RYR2: variants seen among roughly 807,000 people sequenced by gnomAD.
The protein encoded by RYR2 is ryanodine receptor 2, also known as cardiac muscle ryanodine receptor-calcium release channel.
Under a neutral mutation model 601.1 loss-of-function variants are expected in RYR2, and 227 were observed. That is an observed-to-expected ratio of 0.38 (90% CI 0.34 to 0.42). The LOEUF (loss-of-function observed/expected upper bound fraction) is 0.42, where lower values mean the gene tolerates loss of function less well. Among genes scored for constraint, RYR2 ranks in the 10% least tolerant of loss-of-function variants. The pLI, the probability that RYR2 is intolerant of heterozygous loss-of-function variation, is 1.00. For missense variants in RYR2, 4,646 were observed against 6,156.5 expected, an observed-to-expected ratio of 0.75 and a Z score of 8.21; for synonymous variants, 2,223 against 2,175.1, an observed-to-expected ratio of 1.02 and a Z score of -0.61.
chr1:237,725,034 A>G (rs938594618), intron 74 of RYR2, among the ~76,000 whole-genome samples: 2 of 152,148 alleles, frequency 1.3e-5, no homozygotes, highest in African/African-American at 4.8e-5. Flanking sequence ...GCAGACCTGG[A>G]GGACTGAGTG....
chr1:237,552,401 A>C (rs1670489591), intron 27 of RYR2, among the ~76,000 whole-genome samples: 2 of 152,202 alleles, frequency 1.3e-5, no homozygotes, highest in Admixed American at 1.3e-4. Context: ...TTTTAAATTG[A>C]ATAGAAATTT....
chr1:237,385,321 A>G (rs181239401), intron 8 of RYR2, among the ~76,000 whole-genome samples: 2 of 152,364 alleles, frequency 1.3e-5, no homozygotes, highest in African/African-American at 4.8e-5. Flanking sequence ...GTACCTCAGT[A>G]TATAAAAAGT....
At chr1:237,683,034 A>G (rs1040549145) in intron 62 of RYR2, among the ~76,000 whole-genome samples, 6 of 152,214 alleles carry the variant, frequency 3.9e-5, no homozygotes, top group African/African-American at 1.4e-4. Context: ...GAAAATGATC[A>G]TGATAAAATA....
chr1:237,829,622 C>G (rs1418461955), intron 102 of RYR2, among the ~76,000 whole-genome samples: 1 of 152,128 alleles, frequency 6.6e-6, no homozygotes, highest in Non-Finnish European at 1.5e-5. Context: ...GATTGTTCTC[C>G]CCAGTTGCTC....
In RYR2 at chr1:237,546,997, T is replaced by TATATATATATATATATATA. The variant is rs58050661; in HGVS notation, c.2907-1434_2907-1433insATATATATATATATATATA. Among the ~76,000 whole-genome samples the TATATATATATATATATATA allele has an allele frequency of 5.6e-3, 464 of 82,716 alleles. 4 individuals are homozygous for TATATATATATATATATATA. Among genetic ancestry groups the TATATATATATATATATATA allele is most frequent in the Non-Finnish European group, 8.5e-3 (301 of 35,288 alleles). 54.3% of individuals were successfully genotyped at this position (82,716 alleles called of 152,430 possible). A position where few individuals can be genotyped will look rare whatever the true frequency, so the allele number is the denominator to read the frequency against. Reference sequence around the variant, plus strand: ...AAAGCATATATATATATATATATATTTATTTATTTATTTATTTATTTATTT... The same window carrying TATATATATATATATATATA: ...AAAGCATATATATATATATATATATTATATATATATATATATATATATTTATTTATTTATTTATTTATTT... On this transcript the variant is annotated intron_variant, in intron 25 of 104. Coordinates refer to ENST00000366574, the MANE Select transcript of RYR2 (RefSeq NM_001035.3).
At chr1:237,340,026 A>G (rs1434156452) in intron 3 of RYR2, among the ~76,000 whole-genome samples, 1 of 152,172 alleles carries the variant, frequency 6.6e-6, no homozygotes, top group East Asian at 1.9e-4. Flanking sequence ...TGGGAGAAGG[A>G]AGAGAACTGC....
At chr1:237,184,117 G>A (rs1393493135) in intron 1 of RYR2, among the ~76,000 whole-genome samples, 3 of 143,612 alleles carry the variant, frequency 2.1e-5, no homozygotes, top group Middle Eastern at 3.2e-3. Context: ...TAACCCTTGG[G>A]CGGGGTAAAC....
Position 237,503,282 on chromosome 1 carries a change from T to C in RYR2, c.2397-7T>C, listed in dbSNP as rs1049605311. 1 of 1,594,022 alleles carries C rather than the reference T, an allele frequency of 6.3e-7. No individual in the cohort carries two copies. The highest frequency in any genetic ancestry group is 8.6e-7 in the Non-Finnish European group (1 of 1,168,960). ...ATAAAATTGACTCTAACGTGCATCCTCTTTAGAGTACGCTTTCTGCTTGGA... is the reference window on the plus strand; with the variant it reads ...ATAAAATTGACTCTAACGTGCATCCCCTTTAGAGTACGCTTTCTGCTTGGA... On this transcript the variant is annotated splice_region_variant and splice_polypyrimidine_tract_variant and intron_variant, in intron 21 of 104. Transcript: ENST00000366574.
chr1:237,698,112 G>C (rs1298415699), intron 63 of RYR2, among the ~76,000 whole-genome samples: 1 of 43,846 alleles, frequency 2.3e-5, no homozygotes, highest in Non-Finnish European at 6.5e-5. Context: ...GATAGTGTGT[G>C]TGTGTGTGTG....
chr1:237,491,238 C>A (rs1292629409), intron 17 of RYR2, among the ~76,000 whole-genome samples: 1 of 152,046 alleles, frequency 6.6e-6, no homozygotes, highest in Admixed American at 6.6e-5. Context: ...TTACATATTT[C>A]TCTTATTTAA....
chr1:237,516,063 C>T (rs1233848791), intron 24 of RYR2, among the ~76,000 whole-genome samples: 1 of 151,438 alleles, frequency 6.6e-6, no homozygotes, highest in Non-Finnish European at 1.5e-5. Flanking sequence ...TCCTCCTCTT[C>T]TTTTTTCTCT....
intron 1 of RYR2, among the ~76,000 whole-genome samples, chr1:237,054,207 CCCTT>C (rs919891685): frequency 3.2e-4 from 48 of 147,810 alleles, no homozygotes; most frequent in African/African-American, 1.2e-3. Flanking sequence ...CTTCTTTCCT[CCCTT>C]CCTTCCTTTT....
intron 43 of RYR2, 61 bp from the exon 44 acceptor site, chr1:237,634,827 TG>T: frequency 1.6e-6 from 2 of 1,246,222 alleles, no homozygotes; most frequent in Non-Finnish European, 2.3e-6. Flanking sequence ...AGTATATTTT[TG>T]TATGGAGTTT....
intron 2 of RYR2, among the ~76,000 whole-genome samples, chr1:237,311,646 ATTT>A (rs529823066): frequency 6.8e-6 from 1 of 148,116 alleles, no homozygotes; most frequent in Non-Finnish European, 1.5e-5. Context: ...CAACCAGCTA[ATTT>A]TTTTTTTTAA....
intron 73 of RYR2, 39 bp downstream of exon 73, chr1:237,718,560 A>G: frequency 9.6e-7 from 1 of 1,044,858 alleles, no homozygotes; most frequent in Non-Finnish European, 1.5e-6. Context: ...TTTACTACCT[A>G]TACATTAGTT....
intron 1 of RYR2, among the ~76,000 whole-genome samples, chr1:237,097,439 C>T (rs565439214): frequency 3.4e-4 from 52 of 152,240 alleles, no homozygotes; most frequent in African/African-American, 9.6e-4. Flanking sequence ...TATTGGGTGA[C>T]GGTTGAGATC....
intron 25 of RYR2, among the ~76,000 whole-genome samples, chr1:237,543,717 A>G (rs190829356): frequency 6.6e-6 from 1 of 152,356 alleles, no homozygotes; most frequent in East Asian, 1.9e-4. Context: ...GGCTTAAAAA[A>G]AACAAAAGGT....
At chr1:237,576,661 T>TA (rs1403271171) in intron 29 of RYR2, among the ~76,000 whole-genome samples, 2 of 151,952 alleles carry the variant, frequency 1.3e-5, no homozygotes, top group Non-Finnish European at 2.9e-5. Context: ...AACATTCATT[T>TA]AAAAAAATGA....
At chr1:237,612,987 G>A (rs1417369411) in intron 36 of RYR2, among the ~76,000 whole-genome samples, 1 of 152,192 alleles carries the variant, frequency 6.6e-6, no homozygotes, top group Non-Finnish European at 1.5e-5. Context: ...AAATAAAACT[G>A]AGGCTAAGAG....
Sources: allele counts gnomAD v4.1 joint callset (sites outside exome capture counted in the v4.1 genomes callset), GRCh38; gene constraint gnomAD v4.1.1; transcripts MANE v1.5; gene names NCBI Gene and HGNC (gene_info 2026-07-23, HGNC 2026-07-21).